The following SLC1A6 variants were observed in gnomAD, a reference collection of about 807,000 sequenced individuals.
SLC1A6 encodes the protein excitatory amino acid transporter 4.
In SLC1A6, 15 loss-of-function variants were observed where a neutral mutation model predicts 42.1. The ratio of observed to expected loss-of-function variants is 0.36; its 90% CI spans 0.24 to 0.55. The LOEUF (loss-of-function observed/expected upper bound fraction) is 0.55. SLC1A6 is among the 20% of genes least tolerant of loss of function. The probability of loss-of-function intolerance (pLI) is 0.88; values close to 1 mark genes in which losing one functional copy is unlikely to be tolerated. For synonymous variants in SLC1A6, 317 were observed against 319.7 expected (o/e 0.99, Z 0.09); for missense variants, 542 against 772.5 (o/e 0.70, Z 3.54).
intron 1 of SLC1A6, among the ~76,000 whole-genome samples, chr19:14,992,283 T>C (rs2145233088): frequency 1.3e-5 from 2 of 152,318 alleles, no homozygotes; most frequent in South Asian, 4.1e-4. Context: ...TAGTCGCCGG[T>C]TTTTTGGTGC....
chr19:14,965,111 C>A (rs1448657002), intron 4 of SLC1A6, among the ~76,000 whole-genome samples: 1 of 151,882 alleles, frequency 6.6e-6, no homozygotes, highest in East Asian at 1.9e-4. Flanking sequence ...CCTCCACCTC[C>A]CGGGTTCAAG....
intron 1 of SLC1A6, among the ~76,000 whole-genome samples, chr19:15,005,295 T>A (rs1463610292): frequency 1.4e-5 from 2 of 145,084 alleles, no homozygotes; most frequent in Admixed American, 7.0e-5. Flanking sequence ...ACGGTGGCGG[T>A]CAGGAGTTCA....
intron 4 of SLC1A6, among the ~76,000 whole-genome samples, chr19:14,966,431 GC>G (rs1183305956): frequency 6.6e-6 from 1 of 152,104 alleles, no homozygotes; most frequent in Non-Finnish European, 1.5e-5. Flanking sequence ...GTTGCAGTGA[GC>G]CAAGCTCATG....
chr19:15,005,910 C>A (rs1304549212), intron 1 of SLC1A6, among the ~76,000 whole-genome samples: 2 of 152,220 alleles, frequency 1.3e-5, no homozygotes, highest in African/African-American at 2.4e-5. Context: ...TTCTGCCCAA[C>A]AGAGGTGCTT....
At position 14,950,293 on chromosome 19, in the gene SLC1A6, C is replaced by T; in HGVS notation, c.1597G>A (p.Glu533Lys). 6.2e-7 allele frequency: 1 copy of T among 1,612,250 alleles called. No homozygotes were observed. Among genetic ancestry groups the T allele is most frequent in the Non-Finnish European group, 8.5e-7 (1 of 1,179,032 alleles). Residue 533 changes from glutamate (E) to lysine (K), a missense_variant, in exon 10 of 10, where the codon GAG (glutamate) becomes AAG (lysine). Physicochemically the swap from Glu to Lys is moderately conservative, Grantham distance 56 (BLOSUM62 1). Transcript: ENST00000594383. ...TTCCCCAGGCTGGGGAGGGTAAGCTCAGCTTCCTGAAGCTCCAGCTCCCGC... is the reference window on the plus strand; with the variant it reads ...TTCCCCAGGCTGGGGAGGGTAAGCTTAGCTTCCTGAAGCTCCAGCTCCCGC... The part of the protein sequence containing the change: ...SQRELELQEA[E>K]LTLPSLGKPY...
intron 1 of SLC1A6, among the ~76,000 whole-genome samples, chr19:15,007,454 T>G (rs1217985193): frequency 6.6e-6 from 1 of 152,094 alleles, no homozygotes; most frequent in East Asian, 1.9e-4. Context: ...TGTTCTAGAA[T>G]TCGATACAAG....
intron 2 of SLC1A6, among the ~76,000 whole-genome samples, chr19:14,972,425 G>A (rs1568292392): frequency 8.7e-6 from 1 of 114,730 alleles, no homozygotes; most frequent in Non-Finnish European, 1.9e-5. Context: ...ATGTGTGTGT[G>A]CATAGTAAAG....
chr19:14,950,934 G>A (rs558017888), intron 9 of SLC1A6, among the ~76,000 whole-genome samples: 3 of 123,098 alleles, frequency 2.4e-5, no homozygotes, highest in Non-Finnish European at 5.2e-5. Context: ...GACAGAACAA[G>A]ACCCTGTCTC....
chr19:15,005,199 G>T (rs983896974), intron 1 of SLC1A6, among the ~76,000 whole-genome samples: 6 of 150,620 alleles, frequency 4.0e-5, no homozygotes, highest in African/African-American at 1.2e-4. Flanking sequence ...GTTCAAAGTT[G>T]CAGTGAGCCA....
intron 1 of SLC1A6, among the ~76,000 whole-genome samples, chr19:15,002,278 T>G (rs1168106110): frequency 5.3e-5 from 8 of 151,838 alleles, no homozygotes; most frequent in African/African-American, 1.7e-4. Flanking sequence ...TTTGGTTTGG[T>G]TTGGGTTGGG....
intron 1 of SLC1A6, among the ~76,000 whole-genome samples, chr19:14,994,240 G>A (rs1021989154): frequency 3.9e-5 from 6 of 151,954 alleles, no homozygotes; most frequent in African/African-American, 1.5e-4. Flanking sequence ...GCCCTTACAG[G>A]AGGCAAGAGG....
At chr19:14,999,750 T>G (rs1263132563) in intron 1 of SLC1A6, among the ~76,000 whole-genome samples, 2 of 152,220 alleles carry the variant, frequency 1.3e-5, no homozygotes, top group African/African-American at 2.4e-5. Flanking sequence ...GAAACCATCC[T>G]TTGAGTAGCC....
At chr19:14,953,593 A>G (rs2045433316) in intron 8 of SLC1A6, among the ~76,000 whole-genome samples, 1 of 151,980 alleles carries the variant, frequency 6.6e-6, no homozygotes, top group Admixed American at 6.6e-5. Flanking sequence ...CAATAAACAA[A>G]ATGAATAACT....
At chr19:15,008,697 A>G (rs1227918027) in intron 1 of SLC1A6, among the ~76,000 whole-genome samples, 1 of 152,156 alleles carries the variant, frequency 6.6e-6, no homozygotes, top group Non-Finnish European at 1.5e-5. Flanking sequence ...AAAATATGGT[A>G]TACAAGCTGG....
At chr19:14,956,041 A>C (rs2045459721) in intron 7 of SLC1A6, among the ~76,000 whole-genome samples, 1 of 152,180 alleles carries the variant, frequency 6.6e-6, no homozygotes, top group Admixed American at 6.5e-5. Context: ...AAAACTACAA[A>C]AGAAGAAGAG....
chr19:14,996,762 T>C (rs2045849582), intron 1 of SLC1A6, among the ~76,000 whole-genome samples: 3 of 152,010 alleles, frequency 2.0e-5, no homozygotes, highest in African/African-American at 7.3e-5. Context: ...TCAATAAACA[T>C]TTGCCAAGTC....
intron 9 of SLC1A6, 64 bp downstream of exon 9, chr19:14,952,864 G>T (rs543473781): frequency 6.5e-7 from 1 of 1,549,924 alleles, no homozygotes. Flanking sequence ...GGTCGAGGAC[G>T]TTGCAGGGGA....
At position 15,004,093 on chromosome 19, in the gene SLC1A6, T is replaced by C. The variant is rs535942556; in HGVS notation, c.6+6392A>G. On this transcript the variant is annotated intron_variant, in intron 1 of 8. Coordinates refer to the SLC1A6 transcript ENST00000430939. ...ATTGCTTGAACCCAGGAGGAGGAGG[T>C]TGCAGTGAGCCAAGATCACACCACT... is the stretch of plus-strand genomic sequence containing the variant. 3.3e-5 allele frequency among the ~76,000 whole-genome samples: 5 copies of C among 151,756 alleles called. No individual in the cohort carries two copies. The South Asian group carries it at 1.0e-3, about 32-fold the overall frequency.
At chr19:14,955,291 T>C (rs2045451475) in intron 7 of SLC1A6, among the ~76,000 whole-genome samples, 1 of 152,198 alleles carries the variant, frequency 6.6e-6, no homozygotes, top group Admixed American at 6.5e-5. Flanking sequence ...TTAAAAATTA[T>C]ATTTTTGATC....
Sources: allele counts gnomAD v4.1 joint callset (sites outside exome capture counted in the v4.1 genomes callset), GRCh38; gene constraint gnomAD v4.1.1; transcripts MANE v1.5; gene names NCBI Gene and HGNC (gene_info 2026-07-23, HGNC 2026-07-21).